Variants in NSD1 observed in about 807,000 individuals in gnomAD.
The protein encoded by NSD1 is histone-lysine N-methyltransferase, H3 lysine-36 specific.
A neutral mutation model predicts 242.7 loss-of-function variants in NSD1; 26 were observed. The observed-to-expected ratio is 0.11, with a 90% CI of 0.08 to 0.15. NSD1 has a LOEUF of 0.15. NSD1 is among the 10% of genes least tolerant of loss of function. NSD1 has a pLI of 1.00. For synonymous variants in NSD1, 1,106 were observed against 1,178.1 expected, an observed-to-expected ratio of 0.94 and a Z score of 1.25; for missense variants, 2,495 against 3,272.8, an observed-to-expected ratio of 0.76 and a Z score of 5.80.
rs749839238 is a variant in NSD1 at position 177,210,631 on chromosome 5, A to C, written c.2232A>C (p.Ser744=). 2 of 1,614,162 alleles carry C rather than the reference A, an allele frequency of 1.2e-6. No individual in the cohort carries two copies. The highest frequency in any genetic ancestry group is 1.1e-5 in the South Asian group (1 of 91,080). Residue 744 remains serine, a synonymous_variant, in exon 5 of 23, where the codon TCA becomes TCC. Coordinates refer to ENST00000439151, the MANE Select transcript of NSD1 (RefSeq NM_022455.5). ...CTACTCTTGTTCACAAACCCCAGTCAGATTTTACAAATGATGCTCTCTCTC... is the reference window on the plus strand; with the variant it reads ...CTACTCTTGTTCACAAACCCCAGTCCGATTTTACAAATGATGCTCTCTCTC... ...KASTLVHKPQ[S]DFTNDALSPK...
chr5:177,164,149 C>CTTTTTTTTTT (rs56076836), intron 2 of NSD1, among the ~76,000 whole-genome samples: 3 of 138,394 alleles, frequency 2.2e-5, no homozygotes, highest in Non-Finnish European at 3.1e-5. Flanking sequence ...AAAATGTAAC[C>CTTTTTTTTTT]TTTTTTTTTT....
At chr5:177,132,266 A>G (rs1329223637), upstream of NSD1, among the ~76,000 whole-genome samples, 1 of 151,652 alleles carries the variant, frequency 6.6e-6, no homozygotes, top group Non-Finnish European at 1.5e-5. This position sits in a 1 kb window ranked among gnomAD's most constrained non-coding sequence, Gnocchi z 7.5. Context: ...CGGGCTGCGG[A>G]GCAGGCGGCC....
intron 2 of NSD1, among the ~76,000 whole-genome samples, chr5:177,140,836 A>T (rs532860478): frequency 6.6e-6 from 1 of 152,192 alleles, no homozygotes; most frequent in East Asian, 1.9e-4. Flanking sequence ...GAGGCAGATG[A>T]TGTCTAAGGC....
chr5:177,288,970 CTCCCTCCCTAACAGTGTTA>C, intron 21 of NSD1, 45 bp downstream of exon 21: 1 of 1,326,190 alleles, frequency 7.5e-7, no homozygotes, highest in Non-Finnish European at 1.1e-6. Context: ...TGGTGCGGTC[CTCCCTCCCTAACAGTGTTA>C]GGGCAGTCTA....
chr5:177,135,919 C>A lies in NSD1; in HGVS notation c.816C>A (p.Asn272Lys), dbSNP rs144524958. 2.6e-5 allele frequency: 42 copies of A among 1,613,102 alleles called. No individual in the cohort carries two copies. In the African/African-American group the frequency reaches 4.4e-4, roughly 17 times the overall value. ...ACATTACAATAGAAGAGCAATTAAACTCAATAAATTTATCTTTTCAGGATG... is the reference window on the plus strand; with the variant it reads ...ACATTACAATAGAAGAGCAATTAAAATCAATAAATTTATCTTTTCAGGATG... ...DTNITIEEQL[N>K]SINLSFQDDP... The change falls in exon 2 of 23, where the codon AAC (asparagine) becomes AAA (lysine). Residue 272 changes from asparagine to lysine, a missense_variant. By Grantham distance (94) the Asn-to-Lys change is moderately conservative (BLOSUM62 0). Transcript: ENST00000439151.
chr5:177,181,176 C>G (rs927647034), intron 2 of NSD1, among the ~76,000 whole-genome samples: 2 of 151,788 alleles, frequency 1.3e-5, no homozygotes, highest in African/African-American at 4.8e-5. Flanking sequence ...ACTACAGGCA[C>G]CTGCCACCAA....
chr5:177,174,295 A>T (rs1242538108), intron 2 of NSD1, among the ~76,000 whole-genome samples: 1 of 151,968 alleles, frequency 6.6e-6, no homozygotes, highest in Non-Finnish European at 1.5e-5. Context: ...CGGAGGTTGC[A>T]GTGAGCCGAG....
rs765811504 is a variant in NSD1, at chr5:177,211,883, C to T, written c.3484C>T (p.Arg1162Cys). 13 of 1,611,242 alleles carry T rather than the reference C, an allele frequency of 8.1e-6. No homozygotes were observed. The highest frequency in any genetic ancestry group is 1.0e-5 in the Non-Finnish European group (12 of 1,178,680). ...NQVVPKKRWQ[R>C]LNQRRTKPRK... is the part of the protein sequence containing the mutation. ...AGTGGTGCCTAAAAAGCGGTGGCAG[C>T]GTTTAAACCAAAGGCGCACTAAACC... Residue 1162 changes from arginine to cysteine, a missense_variant, in exon 5 of 23, where the codon CGT becomes TGT. By Grantham distance (180) the Arg-to-Cys change is radical. This residue lies in a region of NSD1 where 426 missense variants were observed against 411.4 expected (regional missense o/e 1.04). Coordinates refer to ENST00000439151, the MANE Select transcript of NSD1 (RefSeq NM_022455.5).
At chr5:177,292,825 G>A (rs1449510280) in intron 22 of NSD1, among the ~76,000 whole-genome samples, 2 of 152,202 alleles carry the variant, frequency 1.3e-5, no homozygotes, top group African/African-American at 2.4e-5. Flanking sequence ...GAATTTTAGG[G>A]ATTTGGATAT....
intron 21 of NSD1, 28 bp downstream of exon 21, chr5:177,288,953 G>C: frequency 6.6e-7 from 1 of 1,512,562 alleles, no homozygotes. Context: ...TTCTGCTTTG[G>C]GATTAGTGGT....
chr5:177,232,688 T>G (rs1389013358), intron 5 of NSD1, among the ~76,000 whole-genome samples: 1 of 152,220 alleles, frequency 6.6e-6, no homozygotes, highest in African/African-American at 2.4e-5. Context: ...GGCAAAAGCC[T>G]CCTTGCATTA....
At chr5:177,240,010 T>A in intron 8 of NSD1, 145 bp downstream of exon 8, 1 of 610,882 alleles carries the variant, frequency 1.6e-6, no homozygotes, top group Non-Finnish European at 2.9e-6. Context: ...GATCTGAGAT[T>A]TCCTACATGA....
intron 2 of NSD1, among the ~76,000 whole-genome samples, chr5:177,178,043 C>T (rs933287111): frequency 2.0e-5 from 3 of 151,980 alleles, no homozygotes; most frequent in South Asian, 2.1e-4. Flanking sequence ...TACAGGCATG[C>T]GCTGCCACGC....
chr5:177,246,841 C>G (rs372329083), intron 10 of NSD1, 45 bp downstream of exon 10: 2 of 1,368,368 alleles, frequency 1.5e-6, no homozygotes, highest in Non-Finnish European at 2.1e-6. Context: ...AGAGAAGCTA[C>G]TTTTCACGCC....
At chr5:177,200,816 A>G (rs1224906711) in intron 3 of NSD1, among the ~76,000 whole-genome samples, 3 of 152,000 alleles carry the variant, frequency 2.0e-5, no homozygotes, top group African/African-American at 2.4e-5. Flanking sequence ...CCATTCATCC[A>G]TCAGAGAACA....
chr5:177,163,142 CTT>C (rs1237651560), intron 2 of NSD1, among the ~76,000 whole-genome samples: 33 of 133,076 alleles, frequency 2.5e-4, no homozygotes, highest in Non-Finnish European at 2.2e-4. Context: ...TGAAATGTCT[CTT>C]TTTTTTTTTT....
At chr5:177,243,758 T>C (rs1262146037) in intron 8 of NSD1, among the ~76,000 whole-genome samples, 1 of 152,102 alleles carries the variant, frequency 6.6e-6, no homozygotes, top group Non-Finnish European at 1.5e-5. Context: ...AGTGGTGCGA[T>C]CTTGGCTCAC....
At chr5:177,255,024 G>A (rs890170558) in intron 12 of NSD1, among the ~76,000 whole-genome samples, 1 of 152,068 alleles carries the variant, frequency 6.6e-6, no homozygotes, top group Non-Finnish European at 1.5e-5. Context: ...GATTGCTTAG[G>A]TTTAATAATA....
At chr5:177,287,369 A>G (rs1759418478) in intron 20 of NSD1, among the ~76,000 whole-genome samples, 1 of 152,258 alleles carries the variant, frequency 6.6e-6, no homozygotes, top group Non-Finnish European at 1.5e-5. Flanking sequence ...GGCTGGGCGC[A>G]GTGGCTCACG....
Sources: gnomAD v4.1 joint callset for allele counts (sites outside exome capture counted in the v4.1 genomes callset) on GRCh38, gnomAD v4.1.1 for gene constraint, gnomAD v4.1.1 regional missense constraint, Gnocchi (gnomAD v3.1) non-coding constraint, MANE v1.5 for transcripts, NCBI Gene and HGNC (gene_info 2026-07-23, HGNC 2026-07-21) for gene names.